Variants in GPAT3 observed in about 807,000 individuals in gnomAD.
GPAT3 encodes 1-AGP acyltransferase 9.
Under a neutral mutation model 58.8 loss-of-function variants are expected in GPAT3, and 53 were observed. That is an observed-to-expected ratio of 0.90 (90% CI 0.72 to 1.13). The LOEUF (loss-of-function observed/expected upper bound fraction) is 1.13. GPAT3 is among the 50% of genes most tolerant of loss of function. The pLI, the probability that GPAT3 is intolerant of heterozygous loss-of-function variation, is 0.00. For missense variants in GPAT3, 511 were observed against 527.6 expected (o/e 0.97, Z 0.31); for synonymous variants, 197 against 187.4 (o/e 1.05, Z -0.42).
chr4:83,597,995 C>T, intron 9 of GPAT3, 56 bp from the exon 10 acceptor site: 1 of 1,599,142 alleles, frequency 6.3e-7, no homozygotes, highest in East Asian at 2.3e-5. Flanking sequence ...AAACATTGGG[C>T]ACGGATGAGA....
intron 2 of GPAT3, among the ~76,000 whole-genome samples, chr4:83,575,101 C>T (rs1028278023): frequency 7.2e-5 from 11 of 152,144 alleles, no homozygotes; most frequent in African/African-American, 2.6e-4. Flanking sequence ...TGGTCTCGAT[C>T]TCCTGACCTC....
Position 83,536,352 on chromosome 4 carries a change from C to G in GPAT3, c.-271C>G. ...AGCTCCGACCACTGGCTCGCGCTAC[C>G]CAGGTCTCCGCACGCCGCGGTGGCT... On this transcript the variant is annotated 5_prime_UTR_variant, in exon 1 of 12. Coordinates refer to ENST00000264409, the MANE Select transcript of GPAT3 (RefSeq NM_032717.5). 1 of 1,209,216 alleles carries G rather than the reference C, an allele frequency of 8.3e-7. No homozygotes were observed. 74.9% of individuals were successfully genotyped at this position (1,209,216 alleles called of 1,614,324 possible).
chr4:83,562,557 A>G (rs1353156512), intron 2 of GPAT3, among the ~76,000 whole-genome samples: 1 of 151,976 alleles, frequency 6.6e-6, no homozygotes, highest in Non-Finnish European at 1.5e-5. Context: ...TAGCAGCCAT[A>G]TAATAATGTG....
intron 3 of GPAT3, among the ~76,000 whole-genome samples, 177 bp from the exon 4 acceptor site, chr4:83,587,078 G>A (rs747535696): frequency 2.6e-5 from 4 of 152,152 alleles, no homozygotes; most frequent in East Asian, 1.9e-4. Flanking sequence ...AAAGTGTGTC[G>A]TGGAACATTC....
At chr4:83,595,784 A>T (rs1463363308) in intron 7 of GPAT3, among the ~76,000 whole-genome samples, 1 of 152,066 alleles carries the variant, frequency 6.6e-6, no homozygotes. Context: ...TAGGGTAGAG[A>T]TGAGCTACCA....
Position 83,590,347 on chromosome 4 carries a change from AC to A in GPAT3, c.738+56del, listed in dbSNP as rs1726550939. 9.0e-6 allele frequency: 14 copies of A among 1,559,490 alleles called. No individual in the cohort carries two copies. The South Asian group carries it at 1.3e-4, about 14-fold the overall frequency. On this transcript the variant is annotated intron_variant, in intron 6 of 11. Coordinates refer to ENST00000264409, the MANE Select transcript of GPAT3 (RefSeq NM_032717.5). ...GTTGCATGTTTTATGGATTGATCAA[AC>A]TTTTTATTTTGGCATAAATTAGCAA...
intron 2 of GPAT3, among the ~76,000 whole-genome samples, chr4:83,574,655 T>TAGAA (rs1725725248): frequency 4.7e-5 from 5 of 106,488 alleles, no homozygotes; most frequent in African/African-American, 2.3e-4. Context: ...TTTTTTTTTT[T>TAGAA]TTTTTTTTTT....
chr4:83,536,461 C>A lies in GPAT3; in HGVS notation c.-162C>A. The A allele has an allele frequency of 6.9e-7, 1 of 1,442,066 alleles. No individual in the cohort carries two copies. The highest frequency in any genetic ancestry group is 9.1e-7 in the Non-Finnish European group (1 of 1,104,200). The allele number at this position is 1,442,066 out of a possible 1,614,324, so 89.3% of individuals were successfully genotyped here. ...CCCAGGGAGGAAGGAAGGATATTGC[C>A]GTAATTCTGAAAGTTTTTTTCCTTC... On this transcript the variant is annotated 5_prime_UTR_variant, in exon 1 of 12. Coordinates refer to ENST00000264409, the MANE Select transcript of GPAT3 (RefSeq NM_032717.5).
chr4:83,554,413 C>G (rs1005042297), intron 2 of GPAT3, among the ~76,000 whole-genome samples: 10 of 152,278 alleles, frequency 6.6e-5, no homozygotes, highest in African/African-American at 2.4e-4. Flanking sequence ...TGCATATCTC[C>G]TGGTCTCTTT....
chr4:83,557,264 C>A (rs1724974568), intron 2 of GPAT3, among the ~76,000 whole-genome samples: 1 of 152,178 alleles, frequency 6.6e-6, no homozygotes, highest in Non-Finnish European at 1.5e-5. Flanking sequence ...AATGTGCAAA[C>A]CATGTAGCAA....
intron 2 of GPAT3, among the ~76,000 whole-genome samples, chr4:83,571,739 CGCAT>C (rs1560616416): frequency 7.2e-5 from 9 of 125,410 alleles, no homozygotes; most frequent in Non-Finnish European, 1.1e-4. Flanking sequence ...TATATATACA[CGCAT>C]ATATATATAT....
At chr4:83,542,219 T>C (rs893090432) in intron 1 of GPAT3, among the ~76,000 whole-genome samples, 1 of 152,246 alleles carries the variant, frequency 6.6e-6, no homozygotes, top group African/African-American at 2.4e-5. Flanking sequence ...AGTCTGAGAT[T>C]AACAATGATT....
chr4:83,598,188 T>C lies in GPAT3; in HGVS notation c.1125+9T>C. ...CCCCCATGACCAGAGAGGTATTCCT[T>C]AGCTAACACTTTATCTAATCAGGTA... On this transcript the variant is annotated intron_variant, in intron 10 of 11. Transcript: ENST00000264409. 1 of 1,610,602 alleles carries C rather than the reference T, an allele frequency of 6.2e-7. No homozygotes were observed. The highest frequency in any genetic ancestry group is 2.2e-5 in the East Asian group (1 of 44,760).
At chr4:83,568,130 G>C (rs1725471615) in intron 2 of GPAT3, among the ~76,000 whole-genome samples, 1 of 151,654 alleles carries the variant, frequency 6.6e-6, no homozygotes, top group Admixed American at 6.6e-5. Context: ...GGGTGTGCAG[G>C]TGCTTAAAGT....
chr4:83,557,072 C>T (rs1724969087), intron 2 of GPAT3, among the ~76,000 whole-genome samples: 1 of 152,158 alleles, frequency 6.6e-6, no homozygotes, highest in Admixed American at 6.5e-5. Flanking sequence ...ATCTAATTAC[C>T]TCCCAGAGGT....
chr4:83,571,186 C>T (rs926848146), intron 2 of GPAT3, among the ~76,000 whole-genome samples: 1 of 152,022 alleles, frequency 6.6e-6, no homozygotes, highest in African/African-American at 2.4e-5. Flanking sequence ...TTATATAATA[C>T]CAATAGTTTG....
chr4:83,578,991 T>C (rs1235632902), intron 2 of GPAT3, among the ~76,000 whole-genome samples: 2 of 130,382 alleles, frequency 1.5e-5, no homozygotes, highest in Admixed American at 7.5e-5. Flanking sequence ...TTTCTTTCCT[T>C]CCTTCCTTCC....
intron 2 of GPAT3, among the ~76,000 whole-genome samples, chr4:83,578,973 TTTCTTTCTTTCTTTCCTTCC>T (rs1725943301): frequency 1.5e-5 from 2 of 131,640 alleles, no homozygotes; most frequent in African/African-American, 6.1e-5. Flanking sequence ...TCTTTCTTTC[TTTCTTTCTTTCTTTCCTTCC>T]TTCCTTCCTT....
chr4:83,539,461 T>A (rs1724216216), intron 1 of GPAT3, among the ~76,000 whole-genome samples: 1 of 152,242 alleles, frequency 6.6e-6, no homozygotes. Context: ...TTGACAAGTT[T>A]TACTGTCAAT....
Sources: allele counts gnomAD v4.1 joint callset (sites outside exome capture counted in the v4.1 genomes callset), GRCh38; gene constraint gnomAD v4.1.1; transcripts MANE v1.5; gene names NCBI Gene and HGNC (gene_info 2026-07-23, HGNC 2026-07-21).